LRP1B: variants seen among roughly 807,000 people sequenced by gnomAD.
LRP1B encodes the protein LDL receptor related protein 1B, also known as low-density lipoprotein receptor-related protein 1B.
Under a neutral mutation model 556.6 loss-of-function variants are expected in LRP1B, and 217 were observed. The ratio of observed to expected loss-of-function variants is 0.39; its 90% CI spans 0.35 to 0.44. The LOEUF (loss-of-function observed/expected upper bound fraction) is 0.44, where lower values mean the gene tolerates loss of function less well. Among genes scored for constraint, LRP1B ranks in the 20% least tolerant of loss-of-function variants. LRP1B has a pLI of 1.00. For missense variants in LRP1B, 5,053 were observed against 5,620.8 expected (o/e 0.90, Z 3.23); for synonymous variants, 2,047 against 1,865.8 (o/e 1.10, Z -2.50).
intron 2 of LRP1B, among the ~76,000 whole-genome samples, chr2:141,561,608 A>G (rs1004948596): frequency 6.6e-6 from 1 of 151,870 alleles, no homozygotes; most frequent in African/African-American, 2.4e-5. Context: ...TCTTTCAGAA[A>G]GGCTAAATGT....
At chr2:141,729,304 T>C (rs1558833729) in intron 2 of LRP1B, among the ~76,000 whole-genome samples, 2 of 144,378 alleles carry the variant, frequency 1.4e-5, no homozygotes. Flanking sequence ...TGCTATGCTA[T>C]TCTTTTTTTT....
intron 29 of LRP1B, among the ~76,000 whole-genome samples, chr2:140,846,064 A>C (rs969347534): frequency 6.6e-6 from 1 of 152,178 alleles, no homozygotes; most frequent in African/African-American, 2.4e-5. Flanking sequence ...ATGAGGAAAA[A>C]GCAAAGATGT....
chr2:140,421,790 G>C (rs1464686192), intron 66 of LRP1B, among the ~76,000 whole-genome samples: 1 of 152,166 alleles, frequency 6.6e-6, no homozygotes, highest in Non-Finnish European at 1.5e-5. Flanking sequence ...GTGAAGGACT[G>C]AGTAAGTCTA....
intron 1 of LRP1B, among the ~76,000 whole-genome samples, chr2:142,069,435 G>A (rs528026189): frequency 6.6e-6 from 1 of 151,498 alleles, no homozygotes; most frequent in South Asian, 2.1e-4. Flanking sequence ...ACCTTTGAAT[G>A]ATGACTTCAG....
chr2:140,918,623 C>T (rs1694649770), intron 21 of LRP1B, among the ~76,000 whole-genome samples: 1 of 152,106 alleles, frequency 6.6e-6, no homozygotes, highest in South Asian at 2.1e-4. Context: ...TGCAATCCCA[C>T]TGTGGTTTTG....
intron 66 of LRP1B, among the ~76,000 whole-genome samples, chr2:140,441,150 T>C (rs543948577): frequency 6.6e-6 from 1 of 152,112 alleles, no homozygotes; most frequent in African/African-American, 2.4e-5. Flanking sequence ...AATAATCTAT[T>C]TGAAGCATAT....
intron 77 of LRP1B, among the ~76,000 whole-genome samples, chr2:140,348,973 C>CA (rs1053690545): frequency 1.3e-5 from 2 of 152,164 alleles, no homozygotes; most frequent in Non-Finnish European, 2.9e-5. Flanking sequence ...AGGAGCTCAG[C>CA]AATCTAGATT....
intron 1 of LRP1B, among the ~76,000 whole-genome samples, chr2:141,933,447 T>C (rs7566490): frequency 0.86 from 131,051 of 152,052 alleles, 56,630 homozygotes; most frequent in East Asian, 1. Context: ...TTTTGAAGGC[T>C]TTCTGGGAAT....
chr2:141,438,612 AG>A (rs1164686839), intron 3 of LRP1B, among the ~76,000 whole-genome samples: 1 of 152,150 alleles, frequency 6.6e-6, no homozygotes, highest in Non-Finnish European at 1.5e-5. Flanking sequence ...TGCAATATTT[AG>A]TACTGAATAA....
chr2:142,031,124 T>G (rs1703676719), intron 1 of LRP1B, among the ~76,000 whole-genome samples: 1 of 151,788 alleles, frequency 6.6e-6, no homozygotes, highest in African/African-American at 2.4e-5. Context: ...AGTCTTCTGT[T>G]TATTATGTTT....
At position 140,501,802 on chromosome 2, in the gene LRP1B, T is replaced by C. The variant is rs1689205057; in HGVS notation, c.8735A>G (p.Asn2912Ser). 6.2e-7 allele frequency: 1 copy of C among 1,612,954 alleles called. No homozygotes were observed. The highest frequency in any genetic ancestry group is 1.1e-5 in the South Asian group (1 of 91,000). Residue 2912 changes from asparagine (N) to serine (S), a missense_variant, in exon 55 of 91, where the codon AAT becomes AGT. Physicochemically the swap from Asn to Ser is conservative, Grantham distance 46 (BLOSUM62 1). Transcript: ENST00000389484. Reference protein sequence around the residue: ...RCIPSGGLCDNKDDCGDGSDE... With the variant: ...RCIPSGGLCDSKDDCGDGSDE... ...TGAACCATCGCCACAGTCATCCTTA[T>C]TGTCGCAAAGACCTCCACTGGGAAT...
intron 37 of LRP1B, among the ~76,000 whole-genome samples, chr2:140,702,771 C>T (rs1686696007): frequency 6.6e-6 from 1 of 152,066 alleles, no homozygotes; most frequent in African/African-American, 2.4e-5. Context: ...ATGCACTCAA[C>T]ATCCTACCAA....
At chr2:141,241,413 T>A (rs1488527151) in intron 5 of LRP1B, among the ~76,000 whole-genome samples, 2 of 152,042 alleles carry the variant, frequency 1.3e-5, no homozygotes, top group Non-Finnish European at 2.9e-5. Flanking sequence ...TTACTAGGAT[T>A]GTATGTTTAT....
At chr2:141,615,986 T>C (rs545234358) in intron 2 of LRP1B, among the ~76,000 whole-genome samples, 4 of 152,164 alleles carry the variant, frequency 2.6e-5, no homozygotes, top group African/African-American at 9.6e-5. Context: ...CAAATCCTCG[T>C]TGTAAAAAAA....
intron 20 of LRP1B, among the ~76,000 whole-genome samples, chr2:140,947,749 A>G (rs1356069046): frequency 1.3e-5 from 2 of 152,186 alleles, no homozygotes; most frequent in Non-Finnish European, 2.9e-5. Context: ...TCCACCTTGT[A>G]TTCACCACGT....
chr2:140,462,537 A>G (rs956028175), intron 60 of LRP1B, among the ~76,000 whole-genome samples: 3 of 152,180 alleles, frequency 2.0e-5, no homozygotes, highest in South Asian at 2.1e-4. Context: ...ATTATAGTTG[A>G]GCGTAGATGG....
intron 1 of LRP1B, among the ~76,000 whole-genome samples, chr2:141,949,517 G>T (rs1701050247): frequency 6.6e-6 from 1 of 152,092 alleles, no homozygotes; most frequent in South Asian, 2.1e-4. Flanking sequence ...AGCTTGCCTA[G>T]TAGCTAGGAT....
At chr2:140,557,308 T>C (rs1680769150) in intron 43 of LRP1B, among the ~76,000 whole-genome samples, 1 of 152,174 alleles carries the variant, frequency 6.6e-6, no homozygotes, top group African/African-American at 2.4e-5. Context: ...ATTAAGTCTG[T>C]TTACCCATAA....
At chr2:141,578,082 C>T (rs1222996695) in intron 2 of LRP1B, among the ~76,000 whole-genome samples, 1 of 152,066 alleles carries the variant, frequency 6.6e-6, no homozygotes. Flanking sequence ...AGATCATCTA[C>T]TTAAAAAGTG....
Sources: gnomAD v4.1 joint callset for allele counts (sites outside exome capture counted in the v4.1 genomes callset) on GRCh38, gnomAD v4.1.1 for gene constraint, MANE v1.5 for transcripts, NCBI Gene and HGNC (gene_info 2026-07-23, HGNC 2026-07-21) for gene names.